The following NKAIN2 variants were observed in gnomAD, a reference collection of about 807,000 sequenced individuals.
The protein encoded by NKAIN2 is sodium/potassium transporting ATPase interacting 2, also known as sodium/potassium-transporting ATPase subunit beta-1-interacting protein 2.
Under a neutral mutation model 32.6 loss-of-function variants are expected in NKAIN2, and 14 were observed. That is an observed-to-expected ratio of 0.43 (90% confidence interval 0.28 to 0.67). The LOEUF (loss-of-function observed/expected upper bound fraction) is 0.67. Ranked by LOEUF, NKAIN2 falls within the 30% of genes least tolerant of loss-of-function variation. The pLI, the probability that NKAIN2 is intolerant of heterozygous loss-of-function variation, is 0.17. For synonymous variants in NKAIN2, 80 were observed against 87.2 expected, an observed-to-expected ratio of 0.92 and a Z score of 0.46; for missense variants, 198 against 258.3, an observed-to-expected ratio of 0.77 and a Z score of 1.60.
intron 2 of NKAIN2, among the ~76,000 whole-genome samples, chr6:124,292,136 A>C (rs1168328261): frequency 1.3e-5 from 2 of 151,882 alleles, no homozygotes; most frequent in Non-Finnish European, 1.5e-5. Flanking sequence ...AGAGAAATAA[A>C]CTCCTGGCTG....
chr6:124,374,042 G>A (rs992361143), intron 3 of NKAIN2, among the ~76,000 whole-genome samples: 6 of 152,024 alleles, frequency 3.9e-5, no homozygotes, highest in African/African-American at 9.7e-5. Context: ...ATAGTGAGAC[G>A]GAGAAACTGA....
At chr6:124,596,520 T>C (rs549817774) in intron 3 of NKAIN2, among the ~76,000 whole-genome samples, 3 of 152,110 alleles carry the variant, frequency 2.0e-5, no homozygotes, top group African/African-American at 4.8e-5. Flanking sequence ...AGTCGATACA[T>C]AATAAGTGAA....
rs758480330 is a variant in NKAIN2 at position 124,732,959 on chromosome 6, G to A, written c.475-58380G>A. 2.2e-4 allele frequency among the ~76,000 whole-genome samples: 33 copies of A among 151,776 alleles called. 1 individual carries two copies. The highest frequency in any genetic ancestry group is 4.1e-4 in the Non-Finnish European group (28 of 67,880). On this transcript the variant is annotated intron_variant, in intron 4 of 6. Coordinates refer to ENST00000368417, the MANE Select transcript of NKAIN2 (RefSeq NM_001040214.3). ...GTAGGTGAATGGATAAATAAACCGT[G>A]ATACATCCATAAAAAGAAATATTAT...
intron 1 of NKAIN2, among the ~76,000 whole-genome samples, chr6:123,831,763 C>T (rs9490955): frequency 0.038 from 5,749 of 151,138 alleles, 365 homozygotes; most frequent in African/African-American, 0.13. Context: ...TCATGCCATT[C>T]TCCTGCCTCA....
intron 2 of NKAIN2, among the ~76,000 whole-genome samples, chr6:124,346,374 A>G (rs1425181163): frequency 6.6e-6 from 1 of 152,102 alleles, no homozygotes; most frequent in Non-Finnish European, 1.5e-5. Context: ...GCTGAGTTCA[A>G]TTCCTGGGTA....
chr6:124,075,757 G>A (rs532832698), intron 1 of NKAIN2, among the ~76,000 whole-genome samples: 88 of 152,026 alleles, frequency 5.8e-4, no homozygotes, highest in Non-Finnish European at 1.1e-3. Flanking sequence ...CACCATGTCC[G>A]GCTAATTTTT....
intron 3 of NKAIN2, among the ~76,000 whole-genome samples, chr6:124,539,308 C>G (rs1015068573): frequency 2.0e-5 from 3 of 152,056 alleles, no homozygotes; most frequent in Admixed American, 1.3e-4. Context: ...CTTTGGAAAC[C>G]ACCAGTGGAC....
intron 1 of NKAIN2, among the ~76,000 whole-genome samples, chr6:123,814,606 C>G (rs1477430768): frequency 1.3e-5 from 2 of 152,078 alleles, no homozygotes; most frequent in African/African-American, 4.8e-5. Context: ...GTTACTGTGC[C>G]TAGCTTTACT....
chr6:124,078,615 T>C (rs1167197928), intron 1 of NKAIN2, among the ~76,000 whole-genome samples: 3 of 152,162 alleles, frequency 2.0e-5, no homozygotes, highest in East Asian at 1.9e-4. Flanking sequence ...CTGCATCAAA[T>C]AGCAAATTGA....
In NKAIN2 at chr6:124,064,454, G is replaced by A. The variant is rs145681852; in HGVS notation, c.55-218551G>A. On this transcript the variant is annotated intron_variant, in intron 1 of 6. Coordinates refer to ENST00000368417, the MANE Select transcript of NKAIN2 (RefSeq NM_001040214.3). ...TAACCTCCCAGTTTCTGTTTCATTT[G>A]CTTTACTTATATTACTTTCATTCTG... 3.3e-3 allele frequency among the ~76,000 whole-genome samples: 505 copies of A among 151,320 alleles called. 3 individuals are homozygous for A. The highest frequency in any genetic ancestry group is 0.027 in the East Asian group (140 of 5,134).
chr6:124,440,264 A>G (rs1775633821), intron 3 of NKAIN2, among the ~76,000 whole-genome samples: 1 of 152,040 alleles, frequency 6.6e-6, no homozygotes, highest in South Asian at 2.1e-4. Flanking sequence ...TGCTTTATAT[A>G]GTAAGTTATA....
chr6:123,904,862 A>C (rs954961919), intron 1 of NKAIN2, among the ~76,000 whole-genome samples: 3 of 152,182 alleles, frequency 2.0e-5, no homozygotes, highest in African/African-American at 7.2e-5. Flanking sequence ...TGGTGTGGGC[A>C]GCCTGGTCTG....
intron 4 of NKAIN2, among the ~76,000 whole-genome samples, chr6:124,724,923 T>A (rs1776198831): frequency 6.6e-6 from 1 of 152,224 alleles, no homozygotes; most frequent in East Asian, 1.9e-4. Context: ...AGTTCCAAGT[T>A]GAGTTGATCC....
rs150752810 is a variant in NKAIN2 at position 124,099,785 on chromosome 6, G to A, written c.55-183220G>A. ...GACATGCTGCTAAACATCTTACAAT[G>A]CACAGGATAGACCACAGCAACAAAG... On this transcript the variant is annotated intron_variant, in intron 1 of 6. Coordinates refer to ENST00000368417, the MANE Select transcript of NKAIN2 (RefSeq NM_001040214.3). 9.5e-4 allele frequency among the ~76,000 whole-genome samples: 144 copies of A among 152,224 alleles called. 1 individual carries two copies. The highest frequency in any genetic ancestry group is 3.2e-3 in the African/African-American group (134 of 41,544).
At chr6:124,349,580 T>G (rs1481947701) in intron 2 of NKAIN2, among the ~76,000 whole-genome samples, 1 of 152,198 alleles carries the variant, frequency 6.6e-6, no homozygotes. Context: ...CCCTGTAGCT[T>G]CTGTTGCAGT....
At chr6:124,098,625 C>T (rs1445038474) in intron 1 of NKAIN2, among the ~76,000 whole-genome samples, 1 of 152,064 alleles carries the variant, frequency 6.6e-6, no homozygotes, top group Non-Finnish European at 1.5e-5. Flanking sequence ...AATCCCAGCA[C>T]TTTGGGAGGA....
intron 1 of NKAIN2, among the ~76,000 whole-genome samples, chr6:124,265,405 A>C (rs890316772): frequency 7.2e-5 from 11 of 152,204 alleles, no homozygotes; most frequent in Middle Eastern, 3.2e-3. Flanking sequence ...ACTTGTTTAA[A>C]TAAGTTCAAT....
At chr6:124,545,571 C>T (rs1780066149) in intron 3 of NKAIN2, among the ~76,000 whole-genome samples, 1 of 151,836 alleles carries the variant, frequency 6.6e-6, no homozygotes, top group South Asian at 2.1e-4. Flanking sequence ...CTTAAATCAA[C>T]TTATGTATCT....
chr6:123,961,993 A>C (rs1471487797), intron 1 of NKAIN2, among the ~76,000 whole-genome samples: 1 of 152,192 alleles, frequency 6.6e-6, no homozygotes, highest in East Asian at 1.9e-4. Flanking sequence ...TTATTGCTTC[A>C]TCAAATAGTT....
Sources: allele counts gnomAD v4.1 joint callset (sites outside exome capture counted in the v4.1 genomes callset), GRCh38; gene constraint gnomAD v4.1.1; transcripts MANE v1.5; gene names NCBI Gene and HGNC (gene_info 2026-07-23, HGNC 2026-07-21).